The following HSF2BP variants were observed in gnomAD, a reference collection of about 807,000 sequenced individuals.
HSF2BP encodes heat shock transcription factor 2 binding protein.
In HSF2BP, 35 loss-of-function variants were observed where a neutral mutation model predicts 35.0. The observed-to-expected ratio is 1.00, with a 90% CI of 0.76 to 1.32. HSF2BP has a LOEUF of 1.32. Ranked by LOEUF, HSF2BP falls within the 40% of genes most tolerant of loss-of-function variation. The pLI is 0.00. For synonymous variants in HSF2BP, 114 were observed against 117.4 expected (o/e 0.97, Z 0.18); for missense variants, 326 against 321.7 (o/e 1.01, Z -0.10).
chr21:43,651,148 T>C (rs1196650620), intron 3 of HSF2BP, among the ~76,000 whole-genome samples: 1 of 152,092 alleles, frequency 6.6e-6, no homozygotes, highest in Non-Finnish European at 1.5e-5. Context: ...TCCCCAAGGG[T>C]TCACATAGTT....
intron 8 of HSF2BP, among the ~76,000 whole-genome samples, chr21:43,589,464 A>G (rs2081899257): frequency 6.6e-6 from 1 of 152,242 alleles, no homozygotes; most frequent in Non-Finnish European, 1.5e-5. Flanking sequence ...ACACAATCCC[A>G]ATAAAAATTC....
At position 43,625,561 on chromosome 21, in the gene HSF2BP, A is replaced by G. The variant is rs891421384; in HGVS notation, c.574+4761T>C. ...CAGAACTGCAAAAAGGTTTAAAAAAAAAAACTAAAGAATGAATTCACTGTA... is the reference window on the plus strand; with the variant it reads ...CAGAACTGCAAAAAGGTTTAAAAAAGAAAACTAAAGAATGAATTCACTGTA... On this transcript the variant is annotated intron_variant, in intron 6 of 8. Transcript: ENST00000291560. Among the ~76,000 whole-genome samples, 10 of 152,158 alleles carry G rather than the reference A, an allele frequency of 6.6e-5. No individual in the cohort carries two copies. In the South Asian group the frequency reaches 2.1e-3, roughly 32 times the overall value.
chr21:43,645,301 T>G (rs1490317615), intron 3 of HSF2BP, among the ~76,000 whole-genome samples: 1 of 152,180 alleles, frequency 6.6e-6, no homozygotes, highest in Non-Finnish European at 1.5e-5. Context: ...CATCCACAGT[T>G]TCCAATTTGG....
chr21:43,622,584 A>G (rs1201763553), intron 6 of HSF2BP, among the ~76,000 whole-genome samples: 1 of 152,230 alleles, frequency 6.6e-6, no homozygotes, highest in Non-Finnish European at 1.5e-5. Context: ...CCAAGTCACT[A>G]TATAATGAAA....
intron 3 of HSF2BP, among the ~76,000 whole-genome samples, chr21:43,653,223 GAA>G: frequency 8.4e-6 from 1 of 119,456 alleles, no homozygotes. Flanking sequence ...AAGGGGAAGG[GAA>G]GGGAAGGGGA....
chr21:43,607,615 C>CA (rs1396688876), intron 7 of HSF2BP, among the ~76,000 whole-genome samples: 1 of 151,934 alleles, frequency 6.6e-6, no homozygotes, highest in African/African-American at 2.4e-5. Context: ...CTTATAGAAC[C>CA]AAAAAAGAGC....
At chr21:43,628,767 T>C (rs1402364348) in intron 6 of HSF2BP, among the ~76,000 whole-genome samples, 1 of 152,244 alleles carries the variant, frequency 6.6e-6, no homozygotes, top group Non-Finnish European at 1.5e-5. Flanking sequence ...AAAGACAGGC[T>C]GACTCTCTTG....
At position 43,599,794 on chromosome 21, in the gene HSF2BP, A is replaced by C. The variant is rs2082029546; in HGVS notation, c.693-7466T>G. Among the ~76,000 whole-genome samples, 4 of 148,614 alleles carry C rather than the reference A, an allele frequency of 2.7e-5. No homozygotes were observed. The South Asian group carries it at 8.5e-4, about 32-fold the overall frequency. On this transcript the variant is annotated intron_variant, in intron 7 of 8. Transcript: ENST00000291560. Reference sequence around the variant, plus strand: ...GGGCAATAAAGTGAGACTCGGTCTCAAAAAAAAAAGGAAGAAAGAAAATGT... The same window carrying C: ...GGGCAATAAAGTGAGACTCGGTCTCCAAAAAAAAAGGAAGAAAGAAAATGT...
intron 7 of HSF2BP, among the ~76,000 whole-genome samples, chr21:43,609,281 G>A (rs1601661378): frequency 2.6e-5 from 4 of 152,238 alleles, no homozygotes; most frequent in Admixed American, 2.6e-4. Flanking sequence ...GACTCCAAAA[G>A]GAGAGAGGGA....
intron 4 of HSF2BP, among the ~76,000 whole-genome samples, chr21:43,634,606 T>C (rs75372222): frequency 0.041 from 6,229 of 152,250 alleles, 437 homozygotes; most frequent in African/African-American, 0.14. Flanking sequence ...GTTGACCTCA[T>C]AACTTGGATT....
At chr21:43,575,534 G>C (rs1420247592) in intron 8 of HSF2BP, among the ~76,000 whole-genome samples, 2 of 152,182 alleles carry the variant, frequency 1.3e-5, no homozygotes, top group African/African-American at 4.8e-5. Flanking sequence ...CACTTGACTA[G>C]CAATTCACCA....
chr21:43,630,990 C>T (rs2082449084), intron 5 of HSF2BP, among the ~76,000 whole-genome samples: 1 of 152,008 alleles, frequency 6.6e-6, no homozygotes, highest in African/African-American at 2.4e-5. Flanking sequence ...TACATTTTAA[C>T]CCAGTTAAAA....
At chr21:43,604,952 C>A (rs1345541139) in intron 7 of HSF2BP, among the ~76,000 whole-genome samples, 1 of 135,912 alleles carries the variant, frequency 7.4e-6, no homozygotes, top group Non-Finnish European at 1.6e-5. Flanking sequence ...ACACACCATA[C>A]ACCACACACA....
intron 7 of HSF2BP, among the ~76,000 whole-genome samples, chr21:43,605,373 C>T (rs528792620): frequency 1.3e-4 from 19 of 147,878 alleles, no homozygotes; most frequent in Non-Finnish European, 1.8e-4. Context: ...ACCCACCCCC[C>T]GACACACACA....
At chr21:43,643,515 G>A (rs961642235) in intron 4 of HSF2BP, among the ~76,000 whole-genome samples, 1 of 152,116 alleles carries the variant, frequency 6.6e-6, no homozygotes, top group Non-Finnish European at 1.5e-5. Context: ...TCTCTCTCTT[G>A]CTTTCTCTCA....
Position 43,656,580 on chromosome 21 carries a change from G to A in HSF2BP, c.187+7C>T, listed in dbSNP as rs774403494. 1.2e-6 allele frequency: 2 copies of A among 1,605,440 alleles called. No individual in the cohort carries two copies. Among genetic ancestry groups the A allele is most frequent in the Admixed American group, 1.7e-5 (1 of 57,866 alleles). On this transcript the variant is annotated splice_region_variant and intron_variant, in intron 3 of 8. Coordinates refer to ENST00000291560, the MANE Select transcript of HSF2BP (RefSeq NM_007031.2). ...ACCACCAATGACTGCTGAAAATGAAGACTCACTTTTTTCTACAATCTTTAA... is the reference window on the plus strand; with the variant it reads ...ACCACCAATGACTGCTGAAAATGAAAACTCACTTTTTTCTACAATCTTTAA...
At position 43,633,293 on chromosome 21, in the gene HSF2BP, G is replaced by T. The variant is rs377332751; in HGVS notation, c.420C>A (p.Val140=). The T allele has an allele frequency of 6.2e-7, 1 of 1,612,892 alleles. No individual in the cohort carries two copies. The change falls in exon 5 of 9, where the codon GTC becomes GTA. Residue 140 remains valine, a synonymous_variant. Transcript: ENST00000291560. The stretch of plus-strand genomic sequence containing the variant: ...TTACTCCTCCCAAAATGGCCTTGAC[G>T]ACTTCCTCACTGCTGGAGACACCCC... ...LLWGVSSSEE[V]VKAILGGDKA...
chr21:43,638,234 G>A (rs552548911), intron 4 of HSF2BP, among the ~76,000 whole-genome samples: 65 of 152,270 alleles, frequency 4.3e-4, no homozygotes, highest in African/African-American at 1.5e-3. Context: ...AAGGCAGGCG[G>A]ATCACTTGAG....
chr21:43,632,268 C>T (rs1395108267), intron 5 of HSF2BP, among the ~76,000 whole-genome samples: 2 of 82,042 alleles, frequency 2.4e-5, no homozygotes, highest in Non-Finnish European at 5.2e-5. Flanking sequence ...CCCACACACA[C>T]GCTCCCCCCA....
Sources: gnomAD v4.1 joint callset for allele counts (sites outside exome capture counted in the v4.1 genomes callset) on GRCh38, gnomAD v4.1.1 for gene constraint, MANE v1.5 for transcripts, NCBI Gene and HGNC (gene_info 2026-07-23, HGNC 2026-07-21) for gene names.